YPEL2: variants seen among roughly 807,000 people sequenced by gnomAD.
YPEL2 encodes protein yippee-like 2.
YPEL2 carries 2 observed loss-of-function variants against 19.1 expected under a neutral mutation model. The ratio of observed to expected loss-of-function variants is 0.10; its 90% CI spans 0.04 to 0.33. The LOEUF (loss-of-function observed/expected upper bound fraction) is 0.33, where lower values mean the gene tolerates loss of function less well. YPEL2 is among the 10% of genes least tolerant of loss of function. The probability of loss-of-function intolerance (pLI) is 1.00; values close to 1 mark genes in which losing one functional copy is unlikely to be tolerated. For synonymous variants in YPEL2, 52 were observed against 50.0 expected (o/e 1.04, Z -0.17); for missense variants, 66 against 140.7 (o/e 0.47, Z 2.68).
intron 2 of YPEL2, among the ~76,000 whole-genome samples, chr17:59,385,634 G>A (rs576177465): frequency 6.6e-6 from 1 of 152,234 alleles, no homozygotes; most frequent in East Asian, 1.9e-4. Flanking sequence ...ATCGCCTATG[G>A]ATCTATAAGT....
intron 1 of YPEL2, among the ~76,000 whole-genome samples, chr17:59,339,423 C>T (rs536818364): frequency 6.6e-6 from 1 of 152,156 alleles, no homozygotes; most frequent in Non-Finnish European, 1.5e-5. Flanking sequence ...TGAAAACTCC[C>T]TTTTTCTTGT....
chr17:59,334,927 G>A (rs2047691806), intron 1 of YPEL2, among the ~76,000 whole-genome samples: 1 of 152,336 alleles, frequency 6.6e-6, no homozygotes, highest in Admixed American at 6.5e-5. Flanking sequence ...GGAAAAGCCA[G>A]AAGGAAGAGA....
chr17:59,389,549 G>A (rs1213170344), intron 4 of YPEL2, 81 bp downstream of exon 4: 46 of 1,062,542 alleles, frequency 4.3e-5, no homozygotes, highest in East Asian at 2.5e-5. Context: ...TCTTCTACTC[G>A]CTTTCCATGG....
At chr17:59,374,122 G>A (rs988991652) in intron 2 of YPEL2, among the ~76,000 whole-genome samples, 6 of 152,174 alleles carry the variant, frequency 3.9e-5, no homozygotes, top group Non-Finnish European at 8.8e-5. Flanking sequence ...GAGTATCGGG[G>A]TTCTAGCTAA....
chr17:59,380,762 T>C (rs1160919953), intron 2 of YPEL2, among the ~76,000 whole-genome samples: 6 of 152,232 alleles, frequency 3.9e-5, no homozygotes, highest in African/African-American at 1.4e-4. Flanking sequence ...ACACTGTGTA[T>C]GAGTGGTAAA....
At chr17:59,385,635 A>G (rs1464595146) in intron 2 of YPEL2, among the ~76,000 whole-genome samples, 1 of 152,262 alleles carries the variant, frequency 6.6e-6, no homozygotes, top group East Asian at 1.9e-4. Flanking sequence ...TCGCCTATGG[A>G]TCTATAAGTG....
At chr17:59,387,830 G>A (rs990453103) in intron 2 of YPEL2, among the ~76,000 whole-genome samples, 2 of 152,222 alleles carry the variant, frequency 1.3e-5, no homozygotes, top group South Asian at 2.1e-4. Context: ...AGCGATAAGT[G>A]TGGGTTGGAT....
intron 3 of YPEL2, chr17:59,388,779 G>A: frequency 4.8e-6 from 1 of 209,904 alleles, no homozygotes; most frequent in South Asian, 1.1e-4. Context: ...ACAGTTTCCA[G>A]GGCACTCAGC....
At chr17:59,370,858 A>G (rs559217272) in intron 2 of YPEL2, among the ~76,000 whole-genome samples, 136 of 152,316 alleles carry the variant, frequency 8.9e-4, no homozygotes, top group African/African-American at 3.2e-3. Context: ...GGAACTCAAG[A>G]GTCAGCAGGG....
intron 2 of YPEL2, among the ~76,000 whole-genome samples, chr17:59,360,139 C>T (rs1460282107): frequency 1.3e-5 from 2 of 152,180 alleles, no homozygotes; most frequent in Non-Finnish European, 1.5e-5. Flanking sequence ...TGCAGTGGCA[C>T]GATCTTGGCT....
rs377529666 is a variant in YPEL2 at position 59,397,227 on chromosome 17, C to A, written c.*37C>A. ...CTACCCAACCCAGTGTCCACGTGAA[C>A]GCCATTCAACCGAACATTCTTCCCA... On this transcript the variant is annotated 3_prime_UTR_variant, in exon 5 of 5. Transcript: ENST00000312655. The A allele has an allele frequency of 8.9e-4, 1,321 of 1,483,018 alleles. 2 individuals are homozygous for A. Among genetic ancestry groups the A allele is most frequent in the Non-Finnish European group, 1.1e-3 (1,238 of 1,090,672 alleles). The allele number at this position is 1,483,018 out of a possible 1,614,324, so 91.9% of individuals were successfully genotyped here.
intron 4 of YPEL2, among the ~76,000 whole-genome samples, chr17:59,395,383 C>T (rs892760390): frequency 2.6e-5 from 4 of 152,198 alleles, no homozygotes; most frequent in African/African-American, 9.7e-5. Flanking sequence ...CAATTCCTTA[C>T]TAATTCTGGG....
rs536948714 is a variant in YPEL2 at position 59,376,489 on chromosome 17, A to G, written c.118-11838A>G. 9.8e-5 allele frequency among the ~76,000 whole-genome samples: 15 copies of G among 152,296 alleles called. No homozygotes were observed. The South Asian group carries it at 1.0e-3, about 11-fold the overall frequency. On this transcript the variant is annotated intron_variant, in intron 2 of 4. Transcript: ENST00000312655. ...TGCCTTGGCCTCCCAAAGTGCTGGG[A>G]TTACAGGTGTGAGCCACCATGTCCG...
At chr17:59,367,943 T>C (rs1295243691) in intron 2 of YPEL2, among the ~76,000 whole-genome samples, 3 of 152,218 alleles carry the variant, frequency 2.0e-5, no homozygotes, top group Admixed American at 2.0e-4. Flanking sequence ...AAGCCACCTC[T>C]GCTCCAGACC....
chr17:59,389,197 T>C (rs753084080), intron 3 of YPEL2, 163 bp from the exon 4 acceptor site: 14 of 575,772 alleles, frequency 2.4e-5, no homozygotes, highest in Non-Finnish European at 3.4e-5. Context: ...AGCTGAGATA[T>C]TTCCCTGTGG....
chr17:59,373,462 T>C (rs1184779758), intron 2 of YPEL2, among the ~76,000 whole-genome samples: 1 of 152,210 alleles, frequency 6.6e-6, no homozygotes, highest in Non-Finnish European at 1.5e-5. Flanking sequence ...ATCCATCTTC[T>C]CTGAACTCCT....
At position 59,379,414 on chromosome 17, in the gene YPEL2, A is replaced by G. The variant is rs537496891; in HGVS notation, c.118-8913A>G. 3.0e-4 allele frequency among the ~76,000 whole-genome samples: 45 copies of G among 152,160 alleles called. 1 individual carries two copies. The highest frequency in any genetic ancestry group is 8.5e-4 in the Admixed American group (13 of 15,266). The stretch of plus-strand genomic sequence containing the variant: ...CTGACCCTTCCCTGCAGAATGTGAG[A>G]TCTGTTGAGTTGGAGGGGTTTAGAC... On this transcript the variant is annotated intron_variant, in intron 2 of 4. Transcript: ENST00000312655.
At chr17:59,377,620 T>G (rs1598046138) in intron 2 of YPEL2, among the ~76,000 whole-genome samples, 1 of 152,228 alleles carries the variant, frequency 6.6e-6, no homozygotes, top group East Asian at 1.9e-4. Context: ...GGCTGCATGT[T>G]TACCTTGGCA....
chr17:59,369,130 C>A (rs763411390), intron 2 of YPEL2, among the ~76,000 whole-genome samples: 2 of 152,090 alleles, frequency 1.3e-5, no homozygotes, highest in Non-Finnish European at 2.9e-5. Flanking sequence ...CTCCCCAAAT[C>A]ATTGAAAGCG....
Sources: gnomAD v4.1 joint callset for allele counts (sites outside exome capture counted in the v4.1 genomes callset) on GRCh38, gnomAD v4.1.1 for gene constraint, MANE v1.5 for transcripts, NCBI Gene and HGNC (gene_info 2026-07-23, HGNC 2026-07-21) for gene names.